The following IQCM variants were observed in gnomAD, a reference collection of about 807,000 sequenced individuals.
IQCM encodes the protein IQ motif containing M, also known as IQ domain-containing protein M.
A neutral mutation model predicts 57.6 loss-of-function variants in IQCM; 45 were observed. The ratio of observed to expected loss-of-function variants is 0.78; its 90% CI spans 0.62 to 1.00. The LOEUF (loss-of-function observed/expected upper bound fraction) is 1.00. Among genes scored for constraint, IQCM ranks in the 50% least tolerant of loss-of-function variants. IQCM has a pLI of 0.00. For missense variants in IQCM, 468 were observed against 511.6 expected, an observed-to-expected ratio of 0.91 and a Z score of 0.82; for synonymous variants, 148 against 158.9, an observed-to-expected ratio of 0.93 and a Z score of 0.51.
intron 7 of IQCM, among the ~76,000 whole-genome samples, chr4:149,624,975 ATTCT>A (rs1163669469): frequency 6.6e-6 from 1 of 152,232 alleles, no homozygotes; most frequent in Admixed American, 6.5e-5. Context: ...GTATCAATTA[ATTCT>A]TTGAGTTAAT....
chr4:149,667,644 G>T (rs754290647), intron 7 of IQCM, among the ~76,000 whole-genome samples: 12 of 151,966 alleles, frequency 7.9e-5, no homozygotes, highest in Non-Finnish European at 1.6e-4. Flanking sequence ...AGCTAAAGGA[G>T]CATGTTCTAA....
chr4:149,499,879 A>T (rs1743060747), intron 12 of IQCM, among the ~76,000 whole-genome samples: 2 of 152,172 alleles, frequency 1.3e-5, no homozygotes, highest in African/African-American at 4.8e-5. Context: ...GAGCCAAGGG[A>T]ATACAAAGAA....
intron 7 of IQCM, among the ~76,000 whole-genome samples, chr4:149,638,802 T>C (rs1417188122): frequency 6.6e-6 from 1 of 152,136 alleles, no homozygotes; most frequent in Non-Finnish European, 1.5e-5. Context: ...AGCACATGCA[T>C]ACACCAAGAA....
intron 5 of IQCM, among the ~76,000 whole-genome samples, chr4:149,700,740 C>T (rs1213049569): frequency 2.0e-5 from 3 of 151,944 alleles, no homozygotes; most frequent in South Asian, 2.1e-4. Flanking sequence ...CTTCTGTTTC[C>T]TCTTTCTTAA....
chr4:149,758,464 A>G (rs1769197139), intron 2 of IQCM, among the ~76,000 whole-genome samples: 1 of 152,204 alleles, frequency 6.6e-6, no homozygotes, highest in Non-Finnish European at 1.5e-5. Context: ...TCATGAAAAA[A>G]TAATTGATTT....
rs1228146518 is a variant in IQCM at position 149,606,392 on chromosome 4, A to G, written c.681+14737T>C. ...GCAGTGACCACAGCCTTAGGTCACA[A>G]CACTCAGTCCCCTTTAAACTACTAG... On this transcript the variant is annotated intron_variant, in intron 8 of 13. Transcript: ENST00000636793. Among the ~76,000 whole-genome samples the G allele has an allele frequency of 2.0e-5, 3 of 152,174 alleles. No individual in the cohort carries two copies. In the East Asian group the frequency reaches 5.8e-4, roughly 29 times the overall value.
At chr4:149,658,998 C>T (rs1300124643) in intron 7 of IQCM, among the ~76,000 whole-genome samples, 1 of 151,782 alleles carries the variant, frequency 6.6e-6, no homozygotes, top group African/African-American at 2.4e-5. Context: ...TGGATGAAGA[C>T]TTCTAGTATT....
At chr4:149,380,766 GGAGA>G (rs1731023561) in intron 13 of IQCM, among the ~76,000 whole-genome samples, 1 of 152,094 alleles carries the variant, frequency 6.6e-6, no homozygotes, top group Admixed American at 6.6e-5. Context: ...GGAAAGAGAG[GGAGA>G]GAGAGCCAAT....
chr4:149,577,459 T>C lies in IQCM; in HGVS notation c.749+10471A>G, dbSNP rs146660024. On this transcript the variant is annotated intron_variant, in intron 9 of 13. Transcript: ENST00000636793. ...TAATCTCCTACATATAGCTAGGCAA[T>C]TATCCCAGCACCATTTAATGAATAG... Among the ~76,000 whole-genome samples the C allele has an allele frequency of 8.5e-5, 13 of 152,142 alleles. No homozygotes were observed. In the East Asian group the frequency reaches 2.5e-3, roughly 30 times the overall value.
chr4:149,579,674 C>A (rs1366787333), intron 9 of IQCM, among the ~76,000 whole-genome samples: 1 of 151,822 alleles, frequency 6.6e-6, no homozygotes, highest in African/African-American at 2.4e-5. Flanking sequence ...ATTTGGTTAT[C>A]TTTATTTTTG....
intron 12 of IQCM, among the ~76,000 whole-genome samples, chr4:149,502,697 C>CAACA (rs1159673971): frequency 2.6e-4 from 40 of 151,716 alleles, no homozygotes; most frequent in African/African-American, 7.7e-4. Flanking sequence ...AACAAAACAA[C>CAACA]AACAAACAAA....
chr4:149,535,009 G>A (rs935861981), intron 12 of IQCM, among the ~76,000 whole-genome samples: 1 of 152,066 alleles, frequency 6.6e-6, no homozygotes, highest in Non-Finnish European at 1.5e-5. Flanking sequence ...CAGCATGGAA[G>A]CATCATGTTG....
intron 13 of IQCM, among the ~76,000 whole-genome samples, chr4:149,364,207 A>G (rs990646548): frequency 6.6e-6 from 1 of 152,202 alleles, no homozygotes; most frequent in African/African-American, 2.4e-5. Context: ...AGGAATAGAA[A>G]AAGAGAAATC....
intron 12 of IQCM, among the ~76,000 whole-genome samples, chr4:149,538,795 G>GA (rs1181734850): frequency 2.0e-5 from 3 of 151,202 alleles, no homozygotes; most frequent in Non-Finnish European, 4.4e-5. Context: ...CCCCAGAAAA[G>GA]AAAAAAAGAA....
At chr4:149,504,104 T>C (rs1006430564) in intron 12 of IQCM, among the ~76,000 whole-genome samples, 9 of 152,068 alleles carry the variant, frequency 5.9e-5, no homozygotes, top group Non-Finnish European at 8.8e-5. Flanking sequence ...TTTTCATCTA[T>C]CAGATTAATA....
intron 13 of IQCM, among the ~76,000 whole-genome samples, chr4:149,404,528 A>G (rs1348903932): frequency 6.6e-6 from 1 of 152,110 alleles, no homozygotes; most frequent in East Asian, 1.9e-4. Flanking sequence ...ATATTATGAA[A>G]AGTTTCAATA....
At chr4:149,357,319 G>A (rs1729074774) in intron 13 of IQCM, among the ~76,000 whole-genome samples, 1 of 152,146 alleles carries the variant, frequency 6.6e-6, no homozygotes, top group South Asian at 2.1e-4. Context: ...TCCCTGTCTT[G>A]TGCCAGTTTT....
Position 149,742,710 on chromosome 4 carries a change from T to C in IQCM, c.-19A>G. On this transcript the variant is annotated 5_prime_UTR_variant, in exon 3 of 14. Coordinates refer to ENST00000636793, the MANE Select transcript of IQCM (RefSeq NM_001363507.2). ...TAGTCATGAGGGGCAGTTAGAATGA[T>C]CTTCTTTTTTAAAGTGTGAGCTCCA... is the stretch of plus-strand genomic sequence containing the variant. 8.1e-7 allele frequency: 1 copy of C among 1,230,732 alleles called. No individual in the cohort carries two copies. 76.2% of individuals were successfully genotyped at this position (1,230,732 alleles called of 1,614,324 possible).
chr4:149,742,683 A>G lies in IQCM; in HGVS notation c.9T>C (p.Thr3=). Residue 3 remains threonine, a synonymous_variant, in exon 3 of 14, where the codon ACT becomes ACC. Transcript: ENST00000636793. The part of the protein sequence containing the change: MT[T]EEAMPEKAKC... ...TTGCTTTTTCAGGCATAGCCTCTTCAGTAGTCATGAGGGGCAGTTAGAATG... is the reference window on the plus strand; with the variant it reads ...TTGCTTTTTCAGGCATAGCCTCTTCGGTAGTCATGAGGGGCAGTTAGAATG... 8.1e-7 allele frequency: 1 copy of G among 1,231,448 alleles called. No individual in the cohort carries two copies. The highest frequency in any genetic ancestry group is 1.0e-6 in the Non-Finnish European group (1 of 987,426). The allele number at this position is 1,231,448 out of a possible 1,614,324, so 76.3% of individuals were successfully genotyped here.
Sources: allele counts gnomAD v4.1 joint callset (sites outside exome capture counted in the v4.1 genomes callset), GRCh38; gene constraint gnomAD v4.1.1; transcripts MANE v1.5; gene names NCBI Gene and HGNC (gene_info 2026-07-23, HGNC 2026-07-21).